The following CEP78 variants were observed in gnomAD, a reference collection of about 807,000 sequenced individuals.
The protein encoded by CEP78 is centrosomal protein 78, also known as centrosomal protein of 78 kDa.
Under a neutral mutation model 81.2 loss-of-function variants are expected in CEP78, and 76 were observed. The observed-to-expected ratio is 0.94, with a 90% CI of 0.78 to 1.13. The LOEUF is 1.13. CEP78 is among the 50% of genes most tolerant of loss of function. The pLI, the probability that CEP78 is intolerant of heterozygous loss-of-function variation, is 0.00. For missense variants in CEP78, 918 were observed against 846.8 expected, an observed-to-expected ratio of 1.08 and a Z score of -1.04; for synonymous variants, 293 against 301.4, an observed-to-expected ratio of 0.97 and a Z score of 0.29.
intron 1 of CEP78, among the ~76,000 whole-genome samples, chr9:78,237,116 G>C (rs1825991637): frequency 6.6e-6 from 1 of 151,388 alleles, no homozygotes; most frequent in Non-Finnish European, 1.5e-5. Flanking sequence ...GAGTAGCTGG[G>C]ATTACAGGCG....
In CEP78 at chr9:78,241,791, A is replaced by T. The variant is rs763843219; in HGVS notation, c.595A>T (p.Ile199Phe). ...GCAGGGAGCAGATCACATGGCCAAG[A>T]TCTTAAAGGTAACTTTATGTTCCAA... Reference protein sequence around the residue: ...TWQGADHMAKILKYQTMRRHE... With the variant: ...TWQGADHMAKFLKYQTMRRHE... Residue 199 changes from isoleucine to phenylalanine, a missense_variant, in exon 4 of 17, where the codon ATC (isoleucine) becomes TTC (phenylalanine). Coordinates refer to ENST00000643273, the MANE Select transcript of CEP78 (RefSeq NM_001330691.3). The T allele has an allele frequency of 6.4e-7, 1 of 1,573,888 alleles. No individual in the cohort carries two copies. The highest frequency in any genetic ancestry group is 1.1e-5 in the South Asian group (1 of 89,382).
intron 11 of CEP78, among the ~76,000 whole-genome samples, chr9:78,255,443 A>G (rs1826974628): frequency 1.3e-5 from 2 of 152,198 alleles, no homozygotes; most frequent in African/African-American, 4.8e-5. Flanking sequence ...CTTATAAACA[A>G]CAGGAATGTA....
rs556914954 is a variant in CEP78 at position 78,279,467 on chromosome 9, A to C, written c.*8616A>C. On this transcript the variant is annotated 3_prime_UTR_variant, in exon 17 of 17. Coordinates refer to ENST00000643273, the MANE Select transcript of CEP78 (RefSeq NM_001330691.3). ...TTATTCCAAATATTGCAAACCTACAAGGAGTAAAAGGTGTTATTATTTTAA... is the reference window on the plus strand; with the variant it reads ...TTATTCCAAATATTGCAAACCTACACGGAGTAAAAGGTGTTATTATTTTAA... 1 of 152,294 alleles carries C rather than the reference A, an allele frequency of 6.6e-6. No homozygotes were observed. Among genetic ancestry groups the C allele is most frequent in the African/African-American group, 2.4e-5 (1 of 41,556 alleles). The allele number at this position is 152,294 out of a possible 1,614,324, so 9.4% of individuals were successfully genotyped here.
In CEP78 at chr9:78,265,375, T is replaced by G. The variant is rs200987172; in HGVS notation, c.1629T>G (p.Leu543=). The G allele has an allele frequency of 6.8e-5, 108 of 1,597,070 alleles. No homozygotes were observed. Among genetic ancestry groups the G allele is most frequent in the Non-Finnish European group, 8.2e-5 (96 of 1,173,898 alleles). Residue 543 remains leucine (L), a synonymous_variant, in exon 14 of 17, where the codon CTT becomes CTG. Coordinates refer to ENST00000643273, the MANE Select transcript of CEP78 (RefSeq NM_001330691.3). ...CTCCTTTTCTTCTCTCGACCAGGCTTGGGCAGCTTGCCACAATGGCTGGGA... is the reference window on the plus strand; with the variant it reads ...CTCCTTTTCTTCTCTCGACCAGGCTGGGGCAGCTTGCCACAATGGCTGGGA... ...AFLDLLKDAG[L]GQLATMAGID...
At chr9:78,253,836 G>C (rs897987677) in intron 10 of CEP78, 4 of 152,384 alleles carry the variant, frequency 2.6e-5, no homozygotes, top group Admixed American at 2.0e-4. Context: ...TAATTTCTCT[G>C]TAAAAGATAG....
At chr9:78,241,002 A>G (rs1009311204) in intron 3 of CEP78, among the ~76,000 whole-genome samples, 3 of 152,192 alleles carry the variant, frequency 2.0e-5, no homozygotes, top group African/African-American at 7.2e-5. Context: ...TAATTAAAAC[A>G]TATATACAAT....
Position 78,262,925 on chromosome 9 carries a change from C to T in CEP78, c.1399C>T (p.Leu467=). 3 of 1,540,438 alleles carry T rather than the reference C, an allele frequency of 1.9e-6. No homozygotes were observed. Among genetic ancestry groups the T allele is most frequent in the Non-Finnish European group, 2.6e-6 (3 of 1,139,734 alleles). ...EALQEKLEEC[L]KQLKEERVIR... ...ATACTAGGAAAAACTGGAGGAGTGC[C>T]TAAAGCAGTTAAAGGAAGAAAGAGT... The change falls in exon 12 of 17, where the codon CTA becomes TTA. Residue 467 remains leucine (L), a synonymous_variant. Transcript: ENST00000643273.
At chr9:78,259,171 A>G (rs1827167472) in intron 11 of CEP78, among the ~76,000 whole-genome samples, 1 of 152,278 alleles carries the variant, frequency 6.6e-6, no homozygotes, top group African/African-American at 2.4e-5. Context: ...ACAGGCAACA[A>G]CAGATGAATT....
chr9:78,265,600 T>C, intron 14 of CEP78, 57 bp downstream of exon 14: 3 of 1,434,816 alleles, frequency 2.1e-6, no homozygotes, highest in Non-Finnish European at 2.8e-6. Flanking sequence ...AAAAGGGAAT[T>C]ACTAAGTCAG....
rs1281320963 is a variant in CEP78, at chr9:78,274,405, G to A, written c.*3554G>A. 1 of 152,136 alleles carries A rather than the reference G, an allele frequency of 6.6e-6. No homozygotes were observed. The highest frequency in any genetic ancestry group is 6.5e-5 in the Admixed American group (1 of 15,282). 9.4% of individuals were successfully genotyped at this position (152,136 alleles called of 1,614,324 possible). On this transcript the variant is annotated 3_prime_UTR_variant, in exon 17 of 17. Transcript: ENST00000643273. ...TGATGAACAGTTCTGTATCCTGATT[G>A]CGGTGGTGGTAACGTGAGTCTATAC...
chr9:78,265,276 A>C, intron 13 of CEP78, 96 bp from the exon 14 acceptor site: 2 of 995,300 alleles, frequency 2.0e-6, no homozygotes, highest in Non-Finnish European at 2.9e-6. Flanking sequence ...TTAAGATTTT[A>C]GAAGTATTTA....
At chr9:78,261,229 C>T (rs904737737) in intron 11 of CEP78, among the ~76,000 whole-genome samples, 3 of 152,030 alleles carry the variant, frequency 2.0e-5, no homozygotes, top group African/African-American at 4.8e-5. Context: ...CATGAGCCAC[C>T]GTGCTCAGCC....
chr9:78,240,370 TTTAAATCTCA>T lies in CEP78; in HGVS notation c.499+9_499+18del. On this transcript the variant is annotated splice_region_variant and intron_variant, in intron 3 of 16. Transcript: ENST00000643273. ...TGGAGATGGAGGTTTAGAAAGTGAG[TTTAAATCTCA>T]TTTAACTCTTGTCCTATCAGGCTGG... is the stretch of plus-strand genomic sequence containing the variant. The T allele has an allele frequency of 6.4e-7, 1 of 1,567,098 alleles. No individual in the cohort carries two copies. Among genetic ancestry groups the T allele is most frequent in the South Asian group, 1.2e-5 (1 of 85,742 alleles).
chr9:78,270,392 A>G (rs1199107580), intron 16 of CEP78, among the ~76,000 whole-genome samples: 2 of 152,236 alleles, frequency 1.3e-5, no homozygotes, highest in African/African-American at 4.8e-5. Context: ...CTTTCAATAT[A>G]CCTGAAATAA....
chr9:78,262,204 T>A (rs559696402), intron 11 of CEP78, among the ~76,000 whole-genome samples: 383 of 144,742 alleles, frequency 2.6e-3, no homozygotes, highest in African/African-American at 9.5e-3. Flanking sequence ...GATGTGCTAT[T>A]TTTTTTTTTT....
chr9:78,276,972 A>G lies in CEP78; in HGVS notation c.*6121A>G, dbSNP rs1254676096. On this transcript the variant is annotated 3_prime_UTR_variant, in exon 17 of 17. Transcript: ENST00000643273. ...ACATCTCAAAACAATCCATGGAGTT[A>G]GGGTAAATGTGCTGTTCACACAGGA... The G allele has an allele frequency of 6.6e-6, 1 of 152,196 alleles. No individual in the cohort carries two copies. Among genetic ancestry groups the G allele is most frequent in the African/African-American group, 2.4e-5 (1 of 41,468 alleles). 9.4% of individuals were successfully genotyped at this position (152,196 alleles called of 1,614,324 possible).
chr9:78,249,988 T>G (rs921112773), intron 8 of CEP78: 1 of 306,688 alleles, frequency 3.3e-6, no homozygotes, highest in East Asian at 5.1e-5. Context: ...AGGATATCAC[T>G]TGACTTAATA....
In CEP78 at chr9:78,252,016, G is replaced by A. The variant is rs1018373694; in HGVS notation, c.1178G>A (p.Arg393His). The change falls in exon 9 of 17, where the codon CGT becomes CAT. Residue 393 changes from arginine (R) to histidine (H), a missense_variant. Arg to His is a conservative substitution (Grantham distance 29). Transcript: ENST00000643273. ...PPGVSGFLPW[R>H]TAERAKRHRG... ...GGTGTGTCTGGTTTCTTGCCGTGGC[G>A]TACTGCAGAACGTGCAAAAAGACAC... The A allele has an allele frequency of 5.0e-6, 8 of 1,597,556 alleles. No individual in the cohort carries two copies. Among genetic ancestry groups the A allele is most frequent in the Admixed American group, 1.7e-5 (1 of 59,682 alleles).
chr9:78,269,874 C>T (rs1336039349), intron 16 of CEP78, among the ~76,000 whole-genome samples: 3 of 152,144 alleles, frequency 2.0e-5, no homozygotes, highest in Admixed American at 6.6e-5. Context: ...AGGAGAGGCT[C>T]ATTTATGCAG....
Sources: gnomAD v4.1 joint callset for allele counts (sites outside exome capture counted in the v4.1 genomes callset) on GRCh38, gnomAD v4.1.1 for gene constraint, MANE v1.5 for transcripts, NCBI Gene and HGNC (gene_info 2026-07-23, HGNC 2026-07-21) for gene names.